Variants in CTSH observed in about 807,000 individuals in gnomAD.
The protein encoded by CTSH is pro-cathepsin H.
Under a neutral mutation model 56.3 loss-of-function variants are expected in CTSH, and 52 were observed. The ratio of observed to expected loss-of-function variants is 0.92; its 90% CI spans 0.74 to 1.16. The LOEUF is 1.16. CTSH is among the 50% of genes most tolerant of loss of function. The pLI, the probability that CTSH is intolerant of heterozygous loss-of-function variation, is 0.00. For missense variants in CTSH, 406 were observed against 424.5 expected, an observed-to-expected ratio of 0.96 and a Z score of 0.38; for synonymous variants, 174 against 155.7, an observed-to-expected ratio of 1.12 and a Z score of -0.88.
intron 7 of CTSH, among the ~76,000 whole-genome samples, chr15:78,930,024 C>T (rs549275434): frequency 1.3e-5 from 2 of 152,336 alleles, no homozygotes; most frequent in South Asian, 2.1e-4. Context: ...CAGCAATCCC[C>T]GTCCCTTCTC....
chr15:78,925,892 G>A (rs2054893458), intron 9 of CTSH: 1 of 163,028 alleles, frequency 6.1e-6, no homozygotes, highest in Admixed American at 6.0e-5. Context: ...AGTAGAACCT[G>A]TCCCCTCCAA....
intron 8 of CTSH, among the ~76,000 whole-genome samples, 189 bp downstream of exon 8, chr15:78,929,223 C>T (rs565644238): frequency 1.3e-5 from 2 of 151,840 alleles, no homozygotes; most frequent in East Asian, 2.0e-4. Flanking sequence ...AAAGAGGCCC[C>T]TGGACTGGTG....
chr15:78,936,346 TAA>T (rs1252115005), intron 3 of CTSH, among the ~76,000 whole-genome samples: 4 of 151,784 alleles, frequency 2.6e-5, no homozygotes, highest in Non-Finnish European at 4.4e-5. Context: ...CATGCCCGGC[TAA>T]GTTTTGTATT....
chr15:78,943,551 G>A (rs541438658), intron 1 of CTSH, among the ~76,000 whole-genome samples: 1 of 152,272 alleles, frequency 6.6e-6, no homozygotes, highest in South Asian at 2.1e-4. Flanking sequence ...TTTTAGTACA[G>A]CTCCTGGGCT....
chr15:78,939,303 A>C, intron 1 of CTSH, 132 bp from the exon 2 acceptor site: 3 of 652,022 alleles, frequency 4.6e-6, no homozygotes, highest in Non-Finnish European at 7.8e-6. Flanking sequence ...AAATGGTGTT[A>C]TATAATGCAG....
At position 78,929,544 on chromosome 15, in the gene CTSH, C is replaced by T. The variant is rs773388318; in HGVS notation, c.549-51G>A. ...CCACCTGGGGCTGTCCTGATAGAGGCGGGGCCCTCGGGGACTGGCGTGGCG... is the reference window on the plus strand; with the variant it reads ...CCACCTGGGGCTGTCCTGATAGAGGTGGGGCCCTCGGGGACTGGCGTGGCG... On this transcript the variant is annotated intron_variant, in intron 7 of 11. Coordinates refer to ENST00000220166, the MANE Select transcript of CTSH (RefSeq NM_004390.5). The T allele has an allele frequency of 2.1e-5, 28 of 1,305,404 alleles. No homozygotes were observed. In the East Asian group the frequency reaches 2.8e-4, roughly 13 times the overall value. 80.9% of individuals were successfully genotyped at this position (1,305,404 alleles called of 1,614,324 possible).
intron 9 of CTSH, chr15:78,927,318 C>T (rs2054928280): frequency 3.9e-6 from 1 of 255,486 alleles, no homozygotes; most frequent in South Asian, 5.1e-5. Context: ...AGATTGGGCA[C>T]GGTTGTTATT....
In CTSH at chr15:78,924,102, G is replaced by T. The variant is rs192882686; in HGVS notation, c.807-984C>A. 0.02 allele frequency among the ~76,000 whole-genome samples: 2,554 copies of T among 126,626 alleles called. 435 individuals carry two copies. The East Asian group carries it at 0.32, about 16-fold the overall frequency. 83.1% of individuals were successfully genotyped at this position (126,626 alleles called of 152,430 possible). A position where few individuals can be genotyped will look rare whatever the true frequency, so the allele number is the denominator to read the frequency against. On this transcript the variant is annotated intron_variant, in intron 10 of 11. Transcript: ENST00000220166. The stretch of plus-strand genomic sequence containing the variant: ...TGGGGGGGATCCAACCCAGCGGGGG[G>T]GGGGGGGAGGGTGGGCAGGGTGGGT...
chr15:78,934,948 C>G, intron 5 of CTSH, 30 bp downstream of exon 5: 1 of 1,451,764 alleles, frequency 6.9e-7, no homozygotes, highest in Non-Finnish European at 9.7e-7. Flanking sequence ...GGCCGTTTTG[C>G]AGGGAGAGGA....
chr15:78,936,299 A>C (rs1273258695), intron 3 of CTSH, among the ~76,000 whole-genome samples: 1 of 148,888 alleles, frequency 6.7e-6, no homozygotes, highest in Non-Finnish European at 1.5e-5. Context: ...CTCCTGCCTC[A>C]GCTTCCCTAG....
At chr15:78,940,832 G>A (rs1005740218) in intron 1 of CTSH, among the ~76,000 whole-genome samples, 2 of 152,070 alleles carry the variant, frequency 1.3e-5, no homozygotes, top group Admixed American at 6.5e-5. Flanking sequence ...GGTGGCAGGC[G>A]CCTGTAATCC....
intron 5 of CTSH, 113 bp downstream of exon 5, chr15:78,934,863 CAG>C: frequency 1.3e-6 from 1 of 758,290 alleles, no homozygotes; most frequent in Non-Finnish European, 2.4e-6. Flanking sequence ...CGAGAGGAAA[CAG>C]AGGCAGGGAT....
Position 78,922,992 on chromosome 15 carries a change from C to T in CTSH, c.932+1G>A. ...AGAAGTGGGACCTGGGAGCTGCTTA[C>T]CCGTTCATTCCCCACTGGGGACCCC... On this transcript the variant is annotated splice_donor_variant, in intron 11 of 11. Transcript: ENST00000220166. LOFTEE classifies it high-confidence loss of function. 6.2e-7 allele frequency: 1 copy of T among 1,607,490 alleles called. No homozygotes were observed. Among genetic ancestry groups the T allele is most frequent in the Non-Finnish European group, 8.5e-7 (1 of 1,178,178 alleles).
Position 78,943,525 on chromosome 15 carries a change from C to T in CTSH, c.91+1366G>A, listed in dbSNP as rs982740992. Among the ~76,000 whole-genome samples the T allele has an allele frequency of 6.6e-5, 10 of 152,204 alleles. No individual in the cohort carries two copies. In the South Asian group the frequency reaches 8.3e-4, roughly 13 times the overall value. ...GATTACAGGTGTGAGCCACCGCAGC[C>T]GGTCCCTGACTCCTGTTTTAGTACA... On this transcript the variant is annotated intron_variant, in intron 1 of 11. Coordinates refer to ENST00000220166, the MANE Select transcript of CTSH (RefSeq NM_004390.5).
chr15:78,941,881 A>C (rs1204269686), intron 1 of CTSH, among the ~76,000 whole-genome samples: 5 of 152,216 alleles, frequency 3.3e-5, no homozygotes, highest in Admixed American at 3.3e-4. Context: ...CAAATGTATT[A>C]TACATTATGA....
chr15:78,922,975 G>A lies in CTSH; in HGVS notation c.932+18C>T. ...AGCAACATCCCCCTCCCAGAAGTGG[G>A]ACCTGGGAGCTGCTTACCCGTTCAT... On this transcript the variant is annotated intron_variant, in intron 11 of 11. Transcript: ENST00000220166. 6.3e-7 allele frequency: 1 copy of A among 1,599,890 alleles called. No homozygotes were observed. The highest frequency in any genetic ancestry group is 8.5e-7 in the Non-Finnish European group (1 of 1,175,966).
At chr15:78,944,750 C>G (rs2055360145) in intron 1 of CTSH, 141 bp downstream of exon 1, 1 of 1,346,538 alleles carries the variant, frequency 7.4e-7, no homozygotes, top group African/African-American at 1.5e-5. Context: ...CCTCCCCGTG[C>G]CAGCACGCAG....
In CTSH at chr15:78,945,032, C is replaced by G. The variant is rs1188276153; in HGVS notation, c.-51G>C. The G allele has an allele frequency of 7.0e-7, 1 of 1,426,348 alleles. No homozygotes were observed. The highest frequency in any genetic ancestry group is 9.2e-7 in the Non-Finnish European group (1 of 1,082,310). The allele number at this position is 1,426,348 out of a possible 1,614,324, so 88.4% of individuals were successfully genotyped here. Reference sequence around the variant, plus strand: ...CGCTCAGGGTCCGCGGAGGTGGCGGCCCAGAGCGTCAACTGGGAGCGCGGG... The same window carrying G: ...CGCTCAGGGTCCGCGGAGGTGGCGGGCCAGAGCGTCAACTGGGAGCGCGGG... On this transcript the variant is annotated 5_prime_UTR_variant, in exon 1 of 12. Transcript: ENST00000220166.
chr15:78,938,107 G>A (rs1436948624), intron 2 of CTSH, among the ~76,000 whole-genome samples: 2 of 152,122 alleles, frequency 1.3e-5, no homozygotes, highest in Non-Finnish European at 2.9e-5. Context: ...AGTGGCTCAC[G>A]CCTGTAATCC....
Sources: gnomAD v4.1 joint callset for allele counts (sites outside exome capture counted in the v4.1 genomes callset) on GRCh38, gnomAD v4.1.1 for gene constraint, MANE v1.5 for transcripts, NCBI Gene and HGNC (gene_info 2026-07-23, HGNC 2026-07-21) for gene names.